Variants in MYO1B observed in about 807,000 individuals in gnomAD.
MYO1B encodes the protein unconventional myosin-Ib.
In MYO1B, 72 loss-of-function variants were observed where a neutral mutation model predicts 159.7. The ratio of observed to expected loss-of-function variants is 0.45; its 90% CI spans 0.37 to 0.55. The LOEUF (loss-of-function observed/expected upper bound fraction) is 0.55, where lower values mean the gene tolerates loss of function less well. Among genes scored for constraint, MYO1B ranks in the 20% least tolerant of loss-of-function variants. The probability of loss-of-function intolerance (pLI) is 0.00; values close to 1 mark genes in which losing one functional copy is unlikely to be tolerated. For missense variants in MYO1B, 1,062 were observed against 1,364.8 expected, an observed-to-expected ratio of 0.78 and a Z score of 3.50; for synonymous variants, 468 against 473.8, an observed-to-expected ratio of 0.99 and a Z score of 0.16.
chr2:191,288,160 A>G (rs1032189399), intron 2 of MYO1B, among the ~76,000 whole-genome samples: 4 of 151,918 alleles, frequency 2.6e-5, no homozygotes, highest in Admixed American at 1.3e-4. Flanking sequence ...TAATGCTGCT[A>G]TAAACATGGG....
chr2:191,401,376 A>C (rs1696605665), intron 23 of MYO1B, among the ~76,000 whole-genome samples: 1 of 152,220 alleles, frequency 6.6e-6, no homozygotes, highest in African/African-American at 2.4e-5. Context: ...ATTTAACAGA[A>C]AACTATGTTC....
chr2:191,283,219 A>C (rs751534831), intron 2 of MYO1B, among the ~76,000 whole-genome samples: 17 of 152,228 alleles, frequency 1.1e-4, no homozygotes, highest in Non-Finnish European at 2.1e-4. Context: ...TTGCTTACCA[A>C]ACTTAGAGAG....
intron 1 of MYO1B, among the ~76,000 whole-genome samples, chr2:191,254,976 G>A (rs759509538): frequency 2.0e-5 from 3 of 152,066 alleles, no homozygotes; most frequent in East Asian, 1.9e-4. Flanking sequence ...TGCTCAGGCC[G>A]GAGTACAGTG....
At chr2:191,279,328 T>G (rs1329713306) in intron 2 of MYO1B, among the ~76,000 whole-genome samples, 3 of 152,166 alleles carry the variant, frequency 2.0e-5, no homozygotes, top group Non-Finnish European at 4.4e-5. Context: ...GTATGATCCT[T>G]TTGTAAAAGA....
At chr2:191,251,818 T>C (rs1027616222) in intron 1 of MYO1B, among the ~76,000 whole-genome samples, 1 of 152,136 alleles carries the variant, frequency 6.6e-6, no homozygotes, top group Admixed American at 6.5e-5. Context: ...CATGAAAGCA[T>C]TTTCACATTG....
chr2:191,416,273 TTC>T (rs1383361186), intron 30 of MYO1B, 31 bp downstream of exon 30: 1 of 1,613,264 alleles, frequency 6.2e-7, no homozygotes, highest in Admixed American at 1.7e-5. Flanking sequence ...AAAACCCTTT[TTC>T]TCTTTCAGCT....
chr2:191,383,233 G>A (rs369900064), intron 14 of MYO1B, 47 bp from the exon 15 acceptor site: 16 of 1,195,464 alleles, frequency 1.3e-5, no homozygotes, highest in African/African-American at 4.7e-5. Context: ...TGGTAGTGTC[G>A]TGGCTTCATC....
At chr2:191,309,002 A>T (rs1425107579) in intron 3 of MYO1B, among the ~76,000 whole-genome samples, 1 of 152,066 alleles carries the variant, frequency 6.6e-6, no homozygotes, top group African/African-American at 2.4e-5. Flanking sequence ...CTCTGTAGGC[A>T]TTATTTAGAT....
intron 5 of MYO1B, among the ~76,000 whole-genome samples, chr2:191,344,952 C>G (rs918922553): frequency 9.9e-5 from 15 of 152,142 alleles, no homozygotes; most frequent in Non-Finnish European, 2.1e-4. Flanking sequence ...ACCCTCTCTC[C>G]TTGATCAGAG....
At chr2:191,248,538 C>G (rs1685922062) in intron 1 of MYO1B, among the ~76,000 whole-genome samples, 1 of 152,190 alleles carries the variant, frequency 6.6e-6, no homozygotes, top group Non-Finnish European at 1.5e-5. Flanking sequence ...TGACTGGGAG[C>G]TGCGGCTCGC....
In MYO1B at chr2:191,298,134, A is replaced by G. The variant is rs1183732239; in HGVS notation, c.251+1908A>G. ...ATGCTTGTTTTAGTTTCTCTTGATAATGCAGCATGCAGCGATATATTTGGG... is the reference window on the plus strand; with the variant it reads ...ATGCTTGTTTTAGTTTCTCTTGATAGTGCAGCATGCAGCGATATATTTGGG... On this transcript the variant is annotated intron_variant, in intron 3 of 30. Transcript: ENST00000392318. Among the ~76,000 whole-genome samples, 9 of 152,364 alleles carry G rather than the reference A, an allele frequency of 5.9e-5. No homozygotes were observed. The East Asian group carries it at 1.7e-3, about 29-fold the overall frequency.
intron 9 of MYO1B, 21 bp from the exon 10 acceptor site, chr2:191,363,706 GC>G: frequency 6.4e-7 from 1 of 1,567,678 alleles, no homozygotes; most frequent in Non-Finnish European, 8.6e-7. Context: ...AAAAATAGTT[GC>G]TTTTTTTTTT....
Position 191,424,049 on chromosome 2 carries a change from G to A in MYO1B, c.*89G>A. On this transcript the variant is annotated 3_prime_UTR_variant, in exon 31 of 31. Transcript: ENST00000392318. ...TATTTGGGGTTCATTGTATGTTTGG[G>A]AATCACCAAAGGCTTTTAGAGTTCT... 2.1e-6 allele frequency: 3 copies of A among 1,433,386 alleles called. No homozygotes were observed. The highest frequency in any genetic ancestry group is 3.0e-5 in the South Asian group (2 of 67,298). 88.8% of individuals were successfully genotyped at this position (1,433,386 alleles called of 1,614,324 possible). A position where few individuals can be genotyped will look rare whatever the true frequency, so the allele number is the denominator to read the frequency against.
chr2:191,378,001 G>GT (rs905339397), intron 13 of MYO1B: 27 of 151,046 alleles, frequency 1.8e-4, no homozygotes, highest in South Asian at 2.1e-4. Flanking sequence ...TTTTGTTTTG[G>GT]TTTTTTTTTG....
chr2:191,286,727 G>A (rs1688395057), intron 2 of MYO1B, among the ~76,000 whole-genome samples: 1 of 152,110 alleles, frequency 6.6e-6, no homozygotes, highest in Non-Finnish European at 1.5e-5. Flanking sequence ...TAGTCGAGGA[G>A]TTCGAGACCA....
intron 11 of MYO1B, among the ~76,000 whole-genome samples, chr2:191,364,836 A>G (rs938128765): frequency 6.6e-6 from 1 of 150,386 alleles, no homozygotes; most frequent in Non-Finnish European, 1.5e-5. Context: ...TAGAGGCTAC[A>G]GGACTTGCTG....
At chr2:191,348,029 C>T (rs958858119) in intron 6 of MYO1B, among the ~76,000 whole-genome samples, 3 of 152,150 alleles carry the variant, frequency 2.0e-5, no homozygotes, top group Non-Finnish European at 4.4e-5. Context: ...TGTCCGCTCC[C>T]CACCACAGCA....
At chr2:191,416,777 G>A (rs1021707729) in intron 30 of MYO1B, among the ~76,000 whole-genome samples, 8 of 151,904 alleles carry the variant, frequency 5.3e-5, no homozygotes, top group African/African-American at 1.5e-4. Flanking sequence ...TCGTGCCACC[G>A]CAATCCAGCC....
intron 3 of MYO1B, among the ~76,000 whole-genome samples, chr2:191,300,748 GGCACATGTCACT>G (rs1689277402): frequency 1.3e-5 from 2 of 149,826 alleles, no homozygotes; most frequent in African/African-American, 2.5e-5. Context: ...TGGGACTATA[GGCACATGTCACT>G]GCACCTGGCT....
Sources: allele counts gnomAD v4.1 joint callset (sites outside exome capture counted in the v4.1 genomes callset), GRCh38; gene constraint gnomAD v4.1.1; transcripts MANE v1.5; gene names NCBI Gene and HGNC (gene_info 2026-07-23, HGNC 2026-07-21).